The following SHBG variants were observed in gnomAD, a reference collection of about 807,000 sequenced individuals.
SHBG encodes sex hormone-binding globulin.
SHBG carries 37 observed loss-of-function variants against 41.9 expected under a neutral mutation model. That is an observed-to-expected ratio of 0.88 (90% CI 0.68 to 1.16). SHBG has a LOEUF of 1.16. SHBG is among the 50% of genes most tolerant of loss of function. The pLI is 0.00. For synonymous variants in SHBG, 217 were observed against 205.8 expected (o/e 1.05, Z -0.47); for missense variants, 466 against 499.9 (o/e 0.93, Z 0.65).
intron 1 of SHBG, chr17:7,614,403 CA>C (rs1257401831): frequency 7.4e-7 from 1 of 1,358,198 alleles, no homozygotes; most frequent in East Asian, 2.6e-5. Flanking sequence ...CTGCTCCGGC[CA>C]GGGGAGGGGG....
chr17:7,617,682 G>T (rs1200281167), intron 1 of SHBG, among the ~76,000 whole-genome samples: 1 of 152,128 alleles, frequency 6.6e-6, no homozygotes, highest in Admixed American at 6.6e-5. Context: ...TAAAGGATTA[G>T]TCCATGGGAT....
At chr17:7,632,058 T>C (rs1465542057) in intron 6 of SHBG, 43 bp downstream of exon 6, 3 of 1,603,400 alleles carry the variant, frequency 1.9e-6, no homozygotes, top group Non-Finnish European at 2.6e-6. Flanking sequence ...CAGTGGAGCC[T>C]GGAGCAATGA....
upstream of SHBG, chr17:7,627,387 C>T (rs774139909): frequency 6.2e-7 from 1 of 1,614,150 alleles, no homozygotes; most frequent in Admixed American, 1.7e-5. The surrounding 1 kb of genome is among the most constrained non-coding windows in gnomAD (Gnocchi z 4.8). Context: ...TTCACCTGAT[C>T]CGAGAGTTTT....
upstream of SHBG, chr17:7,626,159 A>C (rs2072198267): frequency 3.5e-6 from 1 of 282,194 alleles, no homozygotes. Flanking sequence ...GCACCACTGC[A>C]CTCCAGCGTG....
intron 1 of SHBG, among the ~76,000 whole-genome samples, chr17:7,616,361 A>G (rs1256808708): frequency 7.1e-6 from 1 of 141,308 alleles, no homozygotes; most frequent in Non-Finnish European, 1.5e-5. Flanking sequence ...TAATCCCAAC[A>G]CTTTGGGAGG....
upstream of SHBG, among the ~76,000 whole-genome samples, chr17:7,623,120 C>T (rs1252145329): frequency 6.6e-6 from 1 of 151,938 alleles, no homozygotes; most frequent in Admixed American, 6.6e-5. Context: ...TGGCCGGGCA[C>T]AGTGGCTCAC....
rs2072478724 is a variant in SHBG, at chr17:7,633,248, C to T, written c.1105C>T (p.Gln369Ter). 1 of 1,614,164 alleles carries T rather than the reference C, an allele frequency of 6.2e-7. No individual in the cohort carries two copies. Among genetic ancestry groups the T allele is most frequent in the East Asian group, 2.2e-5 (1 of 44,882 alleles). ...TTTTTGCCTGAATGGCCTTTGGGCA[C>T]AAGGTCAGAGGCTGGATGTGGACCA... The part of the protein sequence containing the change: ...TSFCLNGLWA[Q>*]GQRLDVDQAL... The change falls in exon 8 of 8, where the codon CAA (glutamine) becomes TAA (stop). Residue 369 changes from glutamine to a stop codon, truncating the protein, a stop_gained. Coordinates refer to ENST00000380450, the MANE Select transcript of SHBG (RefSeq NM_001040.5). LOFTEE classifies it high-confidence loss of function.
At chr17:7,618,194 G>T (rs890772119) in intron 1 of SHBG, among the ~76,000 whole-genome samples, 3 of 150,438 alleles carry the variant, frequency 2.0e-5, no homozygotes, top group African/African-American at 7.3e-5. Context: ...ACTACATACA[G>T]CCTGGGTGAC....
At chr17:7,629,737 G>A (rs1042975956), upstream of SHBG, among the ~76,000 whole-genome samples, 3 of 152,184 alleles carry the variant, frequency 2.0e-5, no homozygotes, top group Non-Finnish European at 2.9e-5. Flanking sequence ...AGGTCACTCA[G>A]CTAGAAATTT....
chr17:7,614,805 G>A (rs2071933070), intron 1 of SHBG: 1 of 190,896 alleles, frequency 5.2e-6, no homozygotes, highest in Non-Finnish European at 1.1e-5. Flanking sequence ...GCTTCCGCCC[G>A]CCGCCGCCCC....
At position 7,630,145 on chromosome 17, in the gene SHBG, T is replaced by G; in HGVS notation, c.-28T>G. 1.3e-6 allele frequency: 2 copies of G among 1,584,300 alleles called. No homozygotes were observed. The highest frequency in any genetic ancestry group is 2.2e-5 in the South Asian group (2 of 90,506). On this transcript the variant is annotated 5_prime_UTR_variant, in exon 1 of 8. Coordinates refer to ENST00000380450, the MANE Select transcript of SHBG (RefSeq NM_001040.5). The surrounding 1 kb of genome is among the most constrained non-coding windows in gnomAD (Gnocchi z 4.6). ...TCTACACATTCTCCCAAGAGTTGTC[T>G]GAGCCGCCGAGTGGACAGTGGCTGA...
In SHBG at chr17:7,631,665, C is replaced by A. The variant is rs376116621; in HGVS notation, c.632C>A (p.Pro211His). 1.9e-6 allele frequency: 3 copies of A among 1,614,040 alleles called. No homozygotes were observed. Among genetic ancestry groups the A allele is most frequent in the Non-Finnish European group, 2.5e-6 (3 of 1,180,014 alleles). The change falls in exon 5 of 8, where the codon CCC becomes CAC. Residue 211 changes from proline (P) to histidine (H), a missense_variant. Pro to His is a moderately conservative substitution (Grantham distance 77). Coordinates refer to ENST00000380450, the MANE Select transcript of SHBG (RefSeq NM_001040.5). ...DKQAEISASAPTSLRSCDVES... is the reference protein window; with the variant it reads ...DKQAEISASAHTSLRSCDVES... ...CAGGCCGAGATCTCAGCATCTGCCCCCACTAGCCTCAGAAGCTGTGATGTA... is the reference window on the plus strand; with the variant it reads ...CAGGCCGAGATCTCAGCATCTGCCCACACTAGCCTCAGAAGCTGTGATGTA...
At chr17:7,629,756 A>G (rs1233090938), upstream of SHBG, among the ~76,000 whole-genome samples, 1 of 152,196 alleles carries the variant, frequency 6.6e-6, no homozygotes, top group African/African-American at 2.4e-5. Context: ...TTAGGATTCC[A>G]TTATCTCATT....
At chr17:7,629,618 G>A (rs937998309), upstream of SHBG, among the ~76,000 whole-genome samples, 1 of 152,234 alleles carries the variant, frequency 6.6e-6, no homozygotes, top group African/African-American at 2.4e-5. Context: ...GCCAGGCACT[G>A]TGCCTGCATT....
At chr17:7,632,435 T>G (rs1322766986) in intron 6 of SHBG, among the ~76,000 whole-genome samples, 3 of 152,038 alleles carry the variant, frequency 2.0e-5, no homozygotes, top group Non-Finnish European at 4.4e-5. Context: ...AGTGAGACCC[T>G]GTCTCAAAAA....
At chr17:7,628,302 C>T (rs901777268), upstream of SHBG, among the ~76,000 whole-genome samples, 4 of 152,006 alleles carry the variant, frequency 2.6e-5, no homozygotes, top group Admixed American at 6.6e-5. Context: ...ATTGCTTTGT[C>T]GCCCAGGCTG....
rs763146074 is a variant in SHBG, at chr17:7,630,656, ATCTTTCCTTC to A, written c.204-22_204-13del. ...TCTCAAAGGACACATGACATACACA[ATCTTTCCTTC>A]TGTGTCCTTCCAGAACCTCCTCCTC... On this transcript the variant is annotated splice_polypyrimidine_tract_variant and intron_variant, in intron 2 of 7. Transcript: ENST00000380450. The surrounding 1 kb of genome is among the most constrained non-coding windows in gnomAD (Gnocchi z 4.6). 6.7e-5 allele frequency: 108 copies of A among 1,605,088 alleles called. No individual in the cohort carries two copies. The South Asian group carries it at 1.1e-3, about 16-fold the overall frequency.
At chr17:7,622,157 A>G (rs1235585647) in intron 1 of SHBG, among the ~76,000 whole-genome samples, 2 of 148,246 alleles carry the variant, frequency 1.3e-5, no homozygotes, top group African/African-American at 5.0e-5. Context: ...AGTTTTCTTT[A>G]TTCTCCCTTT....
chr17:7,625,784 G>A (rs577644994), upstream of SHBG, among the ~76,000 whole-genome samples: 3 of 151,338 alleles, frequency 2.0e-5, no homozygotes, highest in Admixed American at 6.6e-5. Context: ...CCAGCTACTC[G>A]GGAGTCTGAG....
Sources: gnomAD v4.1 joint callset for allele counts (sites outside exome capture counted in the v4.1 genomes callset) on GRCh38, gnomAD v4.1.1 for gene constraint, Gnocchi (gnomAD v3.1) non-coding constraint, MANE v1.5 for transcripts, NCBI Gene and HGNC (gene_info 2026-07-23, HGNC 2026-07-21) for gene names.